The following LMX1B variants were observed in gnomAD, a reference collection of about 807,000 sequenced individuals.
LMX1B encodes the protein LIM homeobox transcription factor 1 beta, also known as LIM homeobox transcription factor 1-beta.
In LMX1B, 12 loss-of-function variants were observed where a neutral mutation model predicts 51.4. That is an observed-to-expected ratio of 0.23 (90% CI 0.15 to 0.38). The LOEUF (loss-of-function observed/expected upper bound fraction) is 0.38, where lower values mean the gene tolerates loss of function less well. Among genes scored for constraint, LMX1B ranks in the 10% least tolerant of loss-of-function variants. The probability of loss-of-function intolerance (pLI) is 1.00; values close to 1 mark genes in which losing one functional copy is unlikely to be tolerated. For synonymous variants in LMX1B, 237 were observed against 235.4 expected, an observed-to-expected ratio of 1.01 and a Z score of -0.06; for missense variants, 445 against 571.1, an observed-to-expected ratio of 0.78 and a Z score of 2.25.
At chr9:126,642,161 G>A (rs189455320) in intron 2 of LMX1B, among the ~76,000 whole-genome samples, 268 of 152,248 alleles carry the variant, frequency 1.8e-3, no homozygotes, top group African/African-American at 6.3e-3. Context: ...TGTCCTGCTC[G>A]CAGTCTGCCT....
intron 2 of LMX1B, among the ~76,000 whole-genome samples, chr9:126,681,592 A>G (rs1666749916): frequency 6.6e-6 from 1 of 151,990 alleles, no homozygotes; most frequent in Admixed American, 6.6e-5. Flanking sequence ...ACAGGTGCCT[A>G]AGGAACCTGG....
chr9:126,678,263 T>G (rs1588297598), intron 2 of LMX1B, among the ~76,000 whole-genome samples: 1 of 145,636 alleles, frequency 6.9e-6, no homozygotes, highest in African/African-American at 2.6e-5. Flanking sequence ...TGAGCCAAGA[T>G]CATGCCATTG....
intron 2 of LMX1B, among the ~76,000 whole-genome samples, chr9:126,670,386 G>A (rs902899520): frequency 2.6e-5 from 4 of 152,252 alleles, no homozygotes; most frequent in African/African-American, 9.6e-5. Context: ...AGTTGTGTAC[G>A]TACGCATCCT....
Position 126,695,310 on chromosome 9 carries a change from C to T in LMX1B, c.887-529C>T, listed in dbSNP as rs887294566. The stretch of plus-strand genomic sequence containing the variant: ...ACCTGTGGTCCCTCTCAGCTGGTCT[C>T]CCCCACACCGACCTCTCTCCCTGCC... On this transcript the variant is annotated intron_variant, in intron 6 of 7. Transcript: ENST00000373474. This position sits in a 1 kb window ranked among gnomAD's most constrained non-coding sequence, Gnocchi z 5.2. Among the ~76,000 whole-genome samples, 1 of 152,184 alleles carries T rather than the reference C, an allele frequency of 6.6e-6. No homozygotes were observed. The highest frequency in any genetic ancestry group is 1.5e-5 in the Non-Finnish European group (1 of 68,030).
chr9:126,682,235 G>A (rs939240104), intron 2 of LMX1B, among the ~76,000 whole-genome samples: 1 of 151,442 alleles, frequency 6.6e-6, no homozygotes, highest in African/African-American at 2.4e-5. Flanking sequence ...GCCTCCCCAG[G>A]GCCTTTGCAC....
intron 2 of LMX1B, among the ~76,000 whole-genome samples, chr9:126,623,204 T>C (rs569853272): frequency 2.2e-4 from 33 of 152,262 alleles, no homozygotes; most frequent in African/African-American, 7.2e-4. Flanking sequence ...TTATTTTTTT[T>C]CCCTTGAAAA....
intron 7 of LMX1B, 78 bp downstream of exon 7, chr9:126,696,081 A>G: frequency 7.8e-7 from 1 of 1,284,912 alleles, no homozygotes; most frequent in Non-Finnish European, 1.0e-6. Flanking sequence ...TGGGGCCAGG[A>G]CAGCCACCTG....
chr9:126,623,941 T>C (rs1835469686), intron 2 of LMX1B, among the ~76,000 whole-genome samples: 1 of 152,210 alleles, frequency 6.6e-6, no homozygotes, highest in Non-Finnish European at 1.5e-5. Context: ...CAGCATGTTC[T>C]TTACTGGGAG....
chr9:126,628,805 A>G lies in LMX1B; in HGVS notation c.326+13236A>G, dbSNP rs569932871. On this transcript the variant is annotated intron_variant, in intron 2 of 7. Transcript: ENST00000373474. ...TGTTCATTATTTTTGCCATAGGTCT[A>G]AAGTTGCCATCCCCAAAGCTAGTCC... Among the ~76,000 whole-genome samples the G allele has an allele frequency of 2.6e-5, 4 of 152,254 alleles. No homozygotes were observed. In the South Asian group the frequency reaches 8.3e-4, roughly 32 times the overall value.
In LMX1B at chr9:126,696,689, C is replaced by G; in HGVS notation, c.*238C>G. The G allele has an allele frequency of 1.7e-6, 1 of 573,424 alleles. No individual in the cohort carries two copies. Among genetic ancestry groups the G allele is most frequent in the Non-Finnish European group, 3.1e-6 (1 of 322,400 alleles). The allele number at this position is 573,424 out of a possible 1,614,324, so 35.5% of individuals were successfully genotyped here. On this transcript the variant is annotated 3_prime_UTR_variant, in exon 8 of 8. Coordinates refer to ENST00000373474, the MANE Select transcript of LMX1B (RefSeq NM_001174147.2). The stretch of plus-strand genomic sequence containing the variant: ...ACAGAGACCTTGTCATCCCCAGGGA[C>G]CCAGAGCTCTCGGACGGCCACTCGC...
chr9:126,696,109 C>T, intron 7 of LMX1B, 106 bp downstream of exon 7: 1 of 1,210,264 alleles, frequency 8.3e-7, no homozygotes, highest in Non-Finnish European at 1.2e-6. Context: ...AGGGCTCAGG[C>T]AGCATGGCCA....
intron 2 of LMX1B, among the ~76,000 whole-genome samples, chr9:126,624,866 G>A (rs1465243062): frequency 6.6e-6 from 1 of 152,154 alleles, no homozygotes. Context: ...CAACAGCAAC[G>A]GGGAAAGGCG....
intron 2 of LMX1B, among the ~76,000 whole-genome samples, chr9:126,651,583 C>T (rs1226290829): frequency 1.3e-5 from 2 of 152,168 alleles, no homozygotes; most frequent in East Asian, 1.9e-4. Flanking sequence ...ACGCCTTAGC[C>T]CCAGGCAGGG....
At chr9:126,635,756 G>C (rs1835703944) in intron 2 of LMX1B, among the ~76,000 whole-genome samples, 1 of 152,224 alleles carries the variant, frequency 6.6e-6, no homozygotes, top group Non-Finnish European at 1.5e-5. Context: ...AGGCCACCCA[G>C]CTGAGGAGTG....
At chr9:126,645,208 A>C (rs2118890076) in intron 2 of LMX1B, among the ~76,000 whole-genome samples, 1 of 152,168 alleles carries the variant, frequency 6.6e-6, no homozygotes, top group Admixed American at 6.5e-5. Context: ...TCTCCCAGAC[A>C]CCACTCCAGA....
chr9:126,666,096 G>C (rs1836338620), intron 2 of LMX1B, among the ~76,000 whole-genome samples: 1 of 152,248 alleles, frequency 6.6e-6, no homozygotes, highest in African/African-American at 2.4e-5. Flanking sequence ...AGCTTCTATG[G>C]CCGGCCTATT....
At chr9:126,685,247 A>G (rs1836748872) in intron 2 of LMX1B, among the ~76,000 whole-genome samples, 1 of 152,100 alleles carries the variant, frequency 6.6e-6, no homozygotes, top group Non-Finnish European at 1.5e-5. Flanking sequence ...AGCAGATGGA[A>G]TTTTAAGCAC....
Position 126,615,467 on chromosome 9 carries a change from C to T in LMX1B, c.224C>T (p.Ser75Phe), listed in dbSNP as rs2235058. 1 of 1,610,710 alleles carries T rather than the reference C, an allele frequency of 6.2e-7. No homozygotes were observed. Among genetic ancestry groups the T allele is most frequent in the East Asian group, 2.2e-5 (1 of 44,626 alleles). The change falls in exon 2 of 8, where the codon TCC (serine) becomes TTC (phenylalanine). Residue 75 changes from serine to phenylalanine, a missense_variant. Ser to Phe is a radical substitution (Grantham distance 155). This residue lies in a region of LMX1B where 273 missense variants were observed against 343.3 expected (regional missense o/e 0.80). Transcript: ENST00000373474. The surrounding 1 kb of genome is among the most constrained non-coding windows in gnomAD (Gnocchi z 6.0). ...TTCCTGATGCGAGTCAACGAGTCGT[C>T]CTGGCACGAGGAGTGTTTGCAGTGC... ...DRFLMRVNES[S>F]WHEECLQCAA... is the part of the protein sequence containing the mutation.
In LMX1B at chr9:126,671,851, C is replaced by T. The variant is rs1189100906; in HGVS notation, c.327-18985C>T. On this transcript the variant is annotated intron_variant, in intron 2 of 7. Coordinates refer to ENST00000373474, the MANE Select transcript of LMX1B (RefSeq NM_001174147.2). The surrounding 1 kb of genome is among the most constrained non-coding windows in gnomAD (Gnocchi z 4.4). ...CCCAGCGGCCCAGAGGCCACTTGGCCAGGCCTCCACTCCCCTCCCTCCAGA... is the reference window on the plus strand; with the variant it reads ...CCCAGCGGCCCAGAGGCCACTTGGCTAGGCCTCCACTCCCCTCCCTCCAGA... 6.6e-6 allele frequency among the ~76,000 whole-genome samples: 1 copy of T among 152,234 alleles called. No homozygotes were observed. The highest frequency in any genetic ancestry group is 1.5e-5 in the Non-Finnish European group (1 of 68,034).
Sources: gnomAD v4.1 joint callset for allele counts (sites outside exome capture counted in the v4.1 genomes callset) on GRCh38, gnomAD v4.1.1 for gene constraint, gnomAD v4.1.1 regional missense constraint, Gnocchi (gnomAD v3.1) non-coding constraint, MANE v1.5 for transcripts, NCBI Gene and HGNC (gene_info 2026-07-23, HGNC 2026-07-21) for gene names.